Variants in SIPA1L3 observed in about 807,000 individuals in gnomAD.
SIPA1L3 encodes the protein signal induced proliferation associated 1 like 3, also known as signal-induced proliferation-associated 1-like protein 3.
A neutral mutation model predicts 150.1 loss-of-function variants in SIPA1L3; 59 were observed. The ratio of observed to expected loss-of-function variants is 0.39; its 90% CI spans 0.32 to 0.49. The LOEUF is 0.49. SIPA1L3 is among the 20% of genes least tolerant of loss of function. The pLI is 0.86. For synonymous variants in SIPA1L3, 1,070 were observed against 1,077.6 expected, an observed-to-expected ratio of 0.99 and a Z score of 0.14; for missense variants, 2,211 against 2,489.5, an observed-to-expected ratio of 0.89 and a Z score of 2.38.
chr19:38,054,438 C>T (rs1371722917), intron 2 of SIPA1L3, among the ~76,000 whole-genome samples: 1 of 152,218 alleles, frequency 6.6e-6, no homozygotes, highest in Non-Finnish European at 1.5e-5. Context: ...GAAACCCTGC[C>T]TCCACTAAAA....
chr19:38,086,326 G>A (rs888781999), intron 3 of SIPA1L3, among the ~76,000 whole-genome samples: 1 of 151,790 alleles, frequency 6.6e-6, no homozygotes, highest in Admixed American at 6.6e-5. Flanking sequence ...ACTCATCCTG[G>A]AGCTTTAAAA....
intron 1 of SIPA1L3, among the ~76,000 whole-genome samples, chr19:37,942,607 T>G: frequency 6.6e-6 from 1 of 151,810 alleles, no homozygotes; most frequent in East Asian, 2.0e-4. Flanking sequence ...TGTCCTCCCA[T>G]GCCCTCTGGC....
chr19:37,982,189 G>A (rs1967217760), intron 1 of SIPA1L3, among the ~76,000 whole-genome samples: 1 of 152,120 alleles, frequency 6.6e-6, no homozygotes, highest in South Asian at 2.1e-4. Flanking sequence ...AAAGTCGAGA[G>A]GCAGGCTCTG....
At chr19:37,926,913 G>T (rs907629565) in intron 1 of SIPA1L3, among the ~76,000 whole-genome samples, 1 of 151,894 alleles carries the variant, frequency 6.6e-6, no homozygotes, top group Non-Finnish European at 1.5e-5. Flanking sequence ...TAAGCCTCCC[G>T]ACAACCCTGG....
intron 6 of SIPA1L3, among the ~76,000 whole-genome samples, chr19:38,101,942 G>A (rs985107687): frequency 1.4e-4 from 21 of 152,342 alleles, no homozygotes; most frequent in South Asian, 1.0e-3. Context: ...AGGCATCAGC[G>A]TGGAAGAGAG....
intron 17 of SIPA1L3, among the ~76,000 whole-genome samples, chr19:38,192,593 C>A (rs992661172): frequency 1.3e-5 from 2 of 152,162 alleles, no homozygotes; most frequent in East Asian, 3.9e-4. Flanking sequence ...TCGTGCCCTC[C>A]TCCTCCAGCC....
In SIPA1L3 at chr19:38,193,648, G is replaced by T; in HGVS notation, c.4708G>T (p.Asp1570Tyr). The change falls in exon 18 of 22, where the codon GAC (aspartate) becomes TAC (tyrosine). Residue 1570 changes from aspartate to tyrosine, a missense_variant. Physicochemically the swap from Asp to Tyr is radical, Grantham distance 160. This residue lies in a region of SIPA1L3 where 806 missense variants were observed against 870.1 expected (regional missense o/e 0.93). Coordinates refer to ENST00000222345, the MANE Select transcript of SIPA1L3 (RefSeq NM_015073.3). ...TGGCCTAGAGCCAGGGCTGCCCAGC[G>T]ACGTGCTCTTCACCAGCACCTGCGC... ...PAGLEPGLPS[D>Y]VLFTSTCAFP... is the part of the protein sequence containing the mutation. 6.3e-7 allele frequency: 1 copy of T among 1,579,062 alleles called. No homozygotes were observed. Among genetic ancestry groups the T allele is most frequent in the African/African-American group, 1.4e-5 (1 of 73,718 alleles).
At chr19:37,926,734 G>A (rs920080461) in intron 1 of SIPA1L3, among the ~76,000 whole-genome samples, 7 of 152,150 alleles carry the variant, frequency 4.6e-5, no homozygotes, top group Admixed American at 2.6e-4. Context: ...GAGATATGGC[G>A]CCAACTTTGG....
chr19:38,138,620 G>A (rs917430054), intron 10 of SIPA1L3, among the ~76,000 whole-genome samples: 1 of 152,238 alleles, frequency 6.6e-6, no homozygotes, highest in South Asian at 2.1e-4. Context: ...TTCCAGAATA[G>A]GACGTGGTGC....
intron 4 of SIPA1L3, among the ~76,000 whole-genome samples, chr19:38,096,445 C>T (rs999894995): frequency 2.8e-4 from 43 of 152,102 alleles, no homozygotes; most frequent in African/African-American, 9.9e-4. Flanking sequence ...GACAGGGTTT[C>T]ACCACGTTGG....
chr19:38,182,965 G>A (rs961209530), intron 16 of SIPA1L3: 7 of 521,516 alleles, frequency 1.3e-5, no homozygotes, highest in South Asian at 3.0e-5. Context: ...AGAGAAGCAC[G>A]CAATAGGTCA....
intron 2 of SIPA1L3, among the ~76,000 whole-genome samples, chr19:38,060,116 G>A (rs1024310499): frequency 4.6e-5 from 7 of 152,162 alleles, no homozygotes; most frequent in Non-Finnish European, 1.5e-5. Flanking sequence ...GCACTTCACA[G>A]TCACCATTTC....
intron 1 of SIPA1L3, among the ~76,000 whole-genome samples, chr19:38,001,987 T>C (rs984197175): frequency 6.6e-6 from 1 of 152,230 alleles, no homozygotes; most frequent in African/African-American, 2.4e-5. Context: ...GCACAACTCA[T>C]TTAGTAACCT....
intron 10 of SIPA1L3, chr19:38,131,617 T>C (rs1971308396): frequency 6.1e-6 from 1 of 163,110 alleles, no homozygotes; most frequent in Non-Finnish European, 1.3e-5. Context: ...TTTTGTTTTG[T>C]TTTTTCTTTT....
At position 38,100,100 on chromosome 19, in the gene SIPA1L3, C is replaced by T; in HGVS notation, c.1804C>T (p.Leu602Phe). 1.9e-6 allele frequency: 3 copies of T among 1,609,916 alleles called. No individual in the cohort carries two copies. Among genetic ancestry groups the T allele is most frequent in the Non-Finnish European group, 2.5e-6 (3 of 1,178,444 alleles). ...ELNIHCLRLA[L>F]NTPKVTEQLL... The stretch of plus-strand genomic sequence containing the variant: ...CAACATCCACTGCCTGCGGCTGGCC[C>T]TCAACACCCCCAAGGTGACGGAGCA... The change falls in exon 5 of 22, where the codon CTC (leucine) becomes TTC (phenylalanine). Residue 602 changes from leucine (L) to phenylalanine (F), a missense_variant. Leu to Phe is a conservative substitution (Grantham distance 22). This residue lies in a region of SIPA1L3 where 625 missense variants were observed against 804.2 expected (regional missense o/e 0.78). Coordinates refer to ENST00000222345, the MANE Select transcript of SIPA1L3 (RefSeq NM_015073.3).
At chr19:38,057,406 T>C (rs1274449956) in intron 2 of SIPA1L3, among the ~76,000 whole-genome samples, 1 of 151,864 alleles carries the variant, frequency 6.6e-6, no homozygotes, top group African/African-American at 2.4e-5. Context: ...CGAAAACCAC[T>C]AGTAGCCCCA....
chr19:37,952,558 A>G (rs974387429), intron 1 of SIPA1L3, among the ~76,000 whole-genome samples: 3 of 152,106 alleles, frequency 2.0e-5, no homozygotes, highest in African/African-American at 7.2e-5. Context: ...CTGTAATCCC[A>G]GCTACTCAGG....
At chr19:38,192,661 T>C (rs1225860817) in intron 17 of SIPA1L3, among the ~76,000 whole-genome samples, 4 of 151,964 alleles carry the variant, frequency 2.6e-5, no homozygotes, top group East Asian at 1.9e-4. Context: ...GAGCAGGGGC[T>C]CCCAGAGGAA....
chr19:38,192,186 G>A lies in SIPA1L3; in HGVS notation c.4472G>A (p.Arg1491Lys). ...TNTKNVFGQP[R>K]LRASLRDLRS... ...ACCAAAAATGTCTTTGGGCAACCGA[G>A]GTTGAGGGCATCCCTCCGAGACCTC... The change falls in exon 17 of 22, where the codon AGG (arginine) becomes AAG (lysine). Residue 1491 changes from arginine to lysine, a missense_variant. By Grantham distance (26) the Arg-to-Lys change is conservative (BLOSUM62 2). Around this residue, in one of 5 missense-constraint regions of SIPA1L3, gnomAD observed 806 missense variants for 870.1 expected, o/e 0.93. Coordinates refer to ENST00000222345, the MANE Select transcript of SIPA1L3 (RefSeq NM_015073.3). The A allele has an allele frequency of 6.2e-7, 1 of 1,612,890 alleles. No homozygotes were observed. Among genetic ancestry groups the A allele is most frequent in the Non-Finnish European group, 8.5e-7 (1 of 1,179,568 alleles).
Sources: gnomAD v4.1 joint callset for allele counts (sites outside exome capture counted in the v4.1 genomes callset) on GRCh38, gnomAD v4.1.1 for gene constraint, gnomAD v4.1.1 regional missense constraint, MANE v1.5 for transcripts, NCBI Gene and HGNC (gene_info 2026-07-23, HGNC 2026-07-21) for gene names.